The following ECH1 variants were observed in gnomAD, a reference collection of about 807,000 sequenced individuals.
ECH1 encodes enoyl-CoA hydratase 1, also known as delta(3,5)-Delta(2,4)-dienoyl-CoA isomerase, mitochondrial.
Under a neutral mutation model 37.0 loss-of-function variants are expected in ECH1, and 30 were observed. That is an observed-to-expected ratio of 0.81 (90% CI 0.61 to 1.10). The LOEUF (loss-of-function observed/expected upper bound fraction) is 1.10. Ranked by LOEUF, ECH1 falls within the 50% of genes least tolerant of loss-of-function variation. The pLI is 0.00. For synonymous variants in ECH1, 178 were observed against 176.0 expected (o/e 1.01, Z -0.09); for missense variants, 456 against 441.6 (o/e 1.03, Z -0.29).
intron 8 of ECH1, 74 bp downstream of exon 8, chr19:38,816,210 G>C (rs377722035): frequency 5.1e-6 from 8 of 1,568,658 alleles, no homozygotes; most frequent in Admixed American, 3.6e-5. Context: ...GAGGAGACAA[G>C]GGGACCCGGA....
intron 3 of ECH1, among the ~76,000 whole-genome samples, chr19:38,829,613 C>T (rs913029381): frequency 2.0e-5 from 3 of 151,942 alleles, no homozygotes; most frequent in Non-Finnish European, 4.4e-5. Context: ...GTCAGGAGAT[C>T]GAGACCATCC....
intron 6 of ECH1, 108 bp downstream of exon 6, chr19:38,816,957 T>G: frequency 1.6e-6 from 2 of 1,264,050 alleles, no homozygotes. Flanking sequence ...AGTCTTACTT[T>G]GTCGGGTTCA....
Position 38,824,195 on chromosome 19 carries a change from G to A in ECH1, c.350-6620C>T, listed in dbSNP as rs1311123695. ...GGGCATAACATCTTTATAGGACAGGGGTAAAGTCCCAATACTAACAGGAGA... is the reference window on the plus strand; with the variant it reads ...GGGCATAACATCTTTATAGGACAGGAGTAAAGTCCCAATACTAACAGGAGA... On this transcript the variant is annotated intron_variant, in intron 3 of 9. Coordinates refer to ENST00000221418, the MANE Select transcript of ECH1 (RefSeq NM_001398.3). Among the ~76,000 whole-genome samples the A allele has an allele frequency of 2.0e-5, 3 of 152,108 alleles. No homozygotes were observed. The East Asian group carries it at 5.8e-4, about 29-fold the overall frequency.
chr19:38,819,670 G>C (rs375506116), intron 3 of ECH1, among the ~76,000 whole-genome samples: 21 of 152,102 alleles, frequency 1.4e-4, no homozygotes, highest in African/African-American at 4.1e-4. Flanking sequence ...TTGGGGCTGG[G>C]CGTAGTGGCT....
rs1354771690 is a variant in ECH1 at position 38,831,739 on chromosome 19, G to A, written c.34C>T (p.Arg12Cys). ...AAGIVASRRL[R>C]DLLTRRLTGS... The stretch of plus-strand genomic sequence containing the variant: ...GACTCACGCCGGGTCAGTAGGTCGC[G>A]GAGTCTGCGAGAAGCCACTATCCCC... Residue 12 changes from arginine (R) to cysteine (C), a missense_variant, in exon 1 of 10, where the codon CGC (arginine) becomes TGC (cysteine). Transcript: ENST00000221418. 2 of 1,613,318 alleles carry A rather than the reference G, an allele frequency of 1.2e-6. No individual in the cohort carries two copies. The highest frequency in any genetic ancestry group is 2.7e-5 in the African/African-American group (2 of 74,918).
Position 38,816,530 on chromosome 19 carries a change from G to A in ECH1, c.589-7C>T, listed in dbSNP as rs1015127639. ...CCAAACCCACGTCCACCTCCTGGGG[G>A]AGGAATCGGGTCAGTGTTTGGTTTC... is the stretch of plus-strand genomic sequence containing the variant. On this transcript the variant is annotated splice_polypyrimidine_tract_variant and splice_region_variant and intron_variant, in intron 6 of 9. Transcript: ENST00000221418. 1 of 1,614,072 alleles carries A rather than the reference G, an allele frequency of 6.2e-7. No homozygotes were observed.
Position 38,817,338 on chromosome 19 carries a change from G to T in ECH1, c.501C>A (p.Val167=), listed in dbSNP as rs1971593438. The T allele has an allele frequency of 1.3e-6, 2 of 1,578,398 alleles. No homozygotes were observed. The highest frequency in any genetic ancestry group is 1.7e-6 in the Non-Finnish European group (2 of 1,160,540). The part of the protein sequence containing the change: ...ERCPKPVIAA[V]HGGCIGGGVD... ...CACCTCCGCCAATGCAGCCCCCATGGACGGCAGCAATCACGGGCTTGGGGC... is the reference window on the plus strand; with the variant it reads ...CACCTCCGCCAATGCAGCCCCCATGTACGGCAGCAATCACGGGCTTGGGGC... The change falls in exon 5 of 10, where the codon GTC becomes GTA. Residue 167 remains valine (V), a synonymous_variant. Transcript: ENST00000221418.
intron 3 of ECH1, among the ~76,000 whole-genome samples, chr19:38,823,677 G>A (rs552757910): frequency 2.0e-5 from 3 of 152,144 alleles, no homozygotes; most frequent in Non-Finnish European, 2.9e-5. Flanking sequence ...CTAGGGTCCC[G>A]ACAAGACAAC....
intron 3 of ECH1, among the ~76,000 whole-genome samples, chr19:38,829,759 C>G (rs1206283981): frequency 7.0e-6 from 1 of 142,550 alleles, no homozygotes; most frequent in Admixed American, 7.1e-5. Flanking sequence ...GAGCTTGCAG[C>G]GAGCCGAGAT....
intron 3 of ECH1, chr19:38,819,087 C>T (rs1971625036): frequency 1.0e-6 from 1 of 984,228 alleles, no homozygotes; most frequent in Non-Finnish European, 1.2e-6. Context: ...GCCTGGGCGA[C>T]AGAGCAAGAC....
chr19:38,824,727 C>T (rs1971713889), intron 3 of ECH1, among the ~76,000 whole-genome samples: 1 of 151,662 alleles, frequency 6.6e-6, no homozygotes, highest in Admixed American at 6.6e-5. Context: ...CTATGCAAAG[C>T]TTACAATTTA....
chr19:38,815,906 T>C lies in ECH1; in HGVS notation c.833A>G (p.Asn278Ser), dbSNP rs771518931. 7.4e-6 allele frequency: 12 copies of C among 1,614,054 alleles called. No homozygotes were observed. In the African/African-American group the frequency reaches 1.6e-4, roughly 22 times the overall value. ...CGAATGGTCGCGGGAATACAGCAGG[T>C]TGACCTTGGTGCTCTGCACCGCCAC... ...SPVAVQSTKV[N>S]LLYSRDHSVA... Residue 278 changes from asparagine to serine, a missense_variant, in exon 9 of 10, where the codon AAC becomes AGC. Coordinates refer to ENST00000221418, the MANE Select transcript of ECH1 (RefSeq NM_001398.3).
intron 1 of ECH1, 80 bp downstream of exon 1, chr19:38,831,641 C>G (rs1971827544): frequency 6.3e-7 from 1 of 1,590,258 alleles, no homozygotes. Flanking sequence ...CTTCGTGACC[C>G]CGGATAGCCC....
rs1486324512 is a variant in ECH1, at chr19:38,818,222, T to TG, written c.350-648dup. On this transcript the variant is annotated intron_variant, in intron 3 of 9. Coordinates refer to ENST00000221418, the MANE Select transcript of ECH1 (RefSeq NM_001398.3). ...CCAGAGGCCATGCTTTTCCCCAAGA[T>TG]GCCAGACAGCCTGGGACTCAAGGTC... The TG allele has an allele frequency of 6.6e-5, 65 of 985,364 alleles. No homozygotes were observed. The South Asian group carries it at 2.4e-3, about 36-fold the overall frequency. The allele number at this position is 985,364 out of a possible 1,614,324, so 61.0% of individuals were successfully genotyped here.
chr19:38,827,720 G>A (rs1971759412), intron 3 of ECH1, among the ~76,000 whole-genome samples: 1 of 152,142 alleles, frequency 6.6e-6, no homozygotes, highest in African/African-American at 2.4e-5. Flanking sequence ...CAGGCTGGGT[G>A]CAGTGGCACG....
intron 3 of ECH1, among the ~76,000 whole-genome samples, chr19:38,828,784 ATTC>A (rs1181340110): frequency 5.2e-4 from 79 of 150,902 alleles, no homozygotes; most frequent in East Asian, 3.2e-3. Flanking sequence ...CCTGGCTAAT[ATTC>A]TTTTTTTTTA....
chr19:38,824,006 T>A (rs1416349662), intron 3 of ECH1, among the ~76,000 whole-genome samples: 1 of 152,174 alleles, frequency 6.6e-6, no homozygotes, highest in Non-Finnish European at 1.5e-5. Context: ...TTACGATCCC[T>A]CCTCAGACTA....
intron 3 of ECH1, among the ~76,000 whole-genome samples, chr19:38,829,826 AAAAG>A (rs1184761830): frequency 6.6e-5 from 10 of 151,988 alleles, no homozygotes; most frequent in African/African-American, 1.7e-4. Context: ...AAAAAAAAAA[AAAAG>A]AAAGAAAACT....
At chr19:38,828,718 C>A (rs897455011) in intron 3 of ECH1, among the ~76,000 whole-genome samples, 1 of 152,158 alleles carries the variant, frequency 6.6e-6, no homozygotes, top group South Asian at 2.1e-4. Context: ...CAGGTTCACG[C>A]CATTCTCCTG....
Sources: allele counts gnomAD v4.1 joint callset (sites outside exome capture counted in the v4.1 genomes callset), GRCh38; gene constraint gnomAD v4.1.1; transcripts MANE v1.5; gene names NCBI Gene and HGNC (gene_info 2026-07-23, HGNC 2026-07-21).